The following LRRC61 variants were observed in gnomAD, a reference collection of about 807,000 sequenced individuals.
LRRC61 encodes the protein leucine-rich repeat-containing protein 61.
A neutral mutation model predicts 15.1 loss-of-function variants in LRRC61; 9 were observed. The observed-to-expected ratio is 0.60, with a 90% CI of 0.36 to 1.04. The LOEUF is 1.04. LRRC61 is among the 50% of genes least tolerant of loss of function. The pLI is 0.01. For missense variants in LRRC61, 344 were observed against 335.6 expected (o/e 1.03, Z -0.20); for synonymous variants, 173 against 158.6 (o/e 1.09, Z -0.68).
chr7:150,328,148 C>T (rs2129618192), intron 2 of LRRC61, among the ~76,000 whole-genome samples: 1 of 152,210 alleles, frequency 6.6e-6, no homozygotes, highest in East Asian at 1.9e-4. Flanking sequence ...TGTAGGTTTT[C>T]TTTTGGGGTA....
chr7:150,319,376 T>C (rs1415387413), upstream of LRRC61, among the ~76,000 whole-genome samples: 1 of 152,030 alleles, frequency 6.6e-6, no homozygotes, highest in Non-Finnish European at 1.5e-5. Flanking sequence ...CCTAGCTAAT[T>C]TTGTATTTTT....
chr7:150,337,090 C>T lies in LRRC61; in HGVS notation c.229C>T (p.Leu77=), dbSNP rs1284543165. The change falls in exon 3 of 3, where the codon CTA becomes TTA. Residue 77 remains leucine (L), a synonymous_variant. Transcript: ENST00000359623. The part of the protein sequence containing the change: ...HLGPLASLRQ[L]AVLNVSNNRL... ...GGGCCCGCTGGCCTCCTTGCGCCAGCTAGCTGTGCTCAATGTCTCCAACAA... is the reference window on the plus strand; with the variant it reads ...GGGCCCGCTGGCCTCCTTGCGCCAGTTAGCTGTGCTCAATGTCTCCAACAA... The T allele has an allele frequency of 6.2e-7, 1 of 1,612,808 alleles. No individual in the cohort carries two copies. The highest frequency in any genetic ancestry group is 1.7e-5 in the Admixed American group (1 of 60,028).
upstream of LRRC61, chr7:150,323,319 T>G (rs933127989): frequency 1.1e-5 from 3 of 267,478 alleles, no homozygotes; most frequent in African/African-American, 2.4e-5. Flanking sequence ...GAGCGCCCAC[T>G]ACGGCCTTTG....
At chr7:150,324,990 G>A (rs552291353) in intron 1 of LRRC61, among the ~76,000 whole-genome samples, 1 of 152,148 alleles carries the variant, frequency 6.6e-6, no homozygotes, top group Non-Finnish European at 1.5e-5. Flanking sequence ...TCACCTTTGA[G>A]ATCTGCTCAT....
chr7:150,331,272 C>T lies in LRRC61; in HGVS notation c.-145+5262C>T, dbSNP rs538978233. ...TCATCTGCTCTAGTGGTGACCTGGC[C>T]AAGGGGATACAGACCCTGCAGTCCG... On this transcript the variant is annotated intron_variant, in intron 2 of 2. Transcript: ENST00000359623. The T allele has an allele frequency of 2.2e-5, 16 of 716,424 alleles. No homozygotes were observed. The South Asian group carries it at 3.0e-4, about 13-fold the overall frequency. 44.4% of individuals were successfully genotyped at this position (716,424 alleles called of 1,614,324 possible). A position where few individuals can be genotyped will look rare whatever the true frequency, so the allele number is the denominator to read the frequency against.
chr7:150,326,444 A>G (rs574577780), intron 2 of LRRC61, among the ~76,000 whole-genome samples: 1 of 152,200 alleles, frequency 6.6e-6, no homozygotes, highest in South Asian at 2.1e-4. Flanking sequence ...ATACTTTGGG[A>G]GGCTGAGGCA....
chr7:150,314,122 G>A, the LRRC61 span, among the ~76,000 whole-genome samples: 2 of 152,180 alleles, frequency 1.3e-5, no homozygotes, highest in Non-Finnish European at 2.9e-5. Context: ...ATGGCAGCTT[G>A]CTCATGTGGC....
Position 150,330,772 on chromosome 7 carries a change from T to C in LRRC61, c.-145+4762T>C. 6.2e-7 allele frequency: 1 copy of C among 1,613,830 alleles called. No homozygotes were observed. ...TACTCTTTGAACTCCCCAAGTCCCC[T>C]GCAAAGCCCCAGGGGTCTGTGCGTG... On this transcript the variant is annotated intron_variant, in intron 2 of 2. Transcript: ENST00000359623. The surrounding 1 kb of genome is among the most constrained non-coding windows in gnomAD (Gnocchi z 4.6).
At chr7:150,310,883 A>G in the LRRC61 span, among the ~76,000 whole-genome samples, 1 of 152,080 alleles carries the variant, frequency 6.6e-6, no homozygotes, top group Admixed American at 6.5e-5. Context: ...CTCTACTCAA[A>G]AGGGTACCGA....
chr7:150,337,256 CT>C lies in LRRC61; in HGVS notation c.398del (p.Leu133TrpfsTer25). 1 of 1,603,788 alleles carries C rather than the reference CT, an allele frequency of 6.2e-7. No individual in the cohort carries two copies. Reference protein sequence around the residue: ...PCLEYLRLRDPLARLSNPLCA... With the variant: ...PCLEYLRLRDXLARLSNPLCA... ...CTGGAGTACCTGCGGCTCCGAGACC[CT>C]TTGGCCCGGCTCAGCAACCCGCTCT... is the stretch of plus-strand genomic sequence containing the variant. On this transcript the variant is annotated frameshift_variant, in exon 3 of 3. Coordinates refer to ENST00000359623, the MANE Select transcript of LRRC61 (RefSeq NM_001142928.2). LOFTEE classifies it high-confidence loss of function.
At position 150,329,991 on chromosome 7, in the gene LRRC61, T is replaced by C. The variant is rs557293260; in HGVS notation, c.-145+3981T>C. On this transcript the variant is annotated intron_variant, in intron 2 of 2. Transcript: ENST00000359623. ...CTTCCTGCTGGCAGGCTTCCTGGTATCGAGCAGCTGCCCCAGCCTGGAGCA... is the reference window on the plus strand; with the variant it reads ...CTTCCTGCTGGCAGGCTTCCTGGTACCGAGCAGCTGCCCCAGCCTGGAGCA... 5.0e-4 allele frequency: 87 copies of C among 175,126 alleles called. 2 individuals carry two copies. Among genetic ancestry groups the C allele is most frequent in the African/African-American group, 1.9e-3 (78 of 42,084 alleles). The allele number at this position is 175,126 out of a possible 1,614,324, so 10.8% of individuals were successfully genotyped here. A position where few individuals can be genotyped will look rare whatever the true frequency, so the allele number is the denominator to read the frequency against.
chr7:150,331,170 C>T, intron 2 of LRRC61: 1 of 1,515,800 alleles, frequency 6.6e-7, no homozygotes, highest in South Asian at 1.3e-5. Context: ...ACTCTTCTCT[C>T]AAGGTGGAAG....
chr7:150,334,195 G>T (rs1170566111), intron 2 of LRRC61: 2 of 847,756 alleles, frequency 2.4e-6, no homozygotes, highest in African/African-American at 3.7e-5. Context: ...AGTTCCTCAG[G>T]GCATTCACTT....
upstream of LRRC61, among the ~76,000 whole-genome samples, chr7:150,322,442 A>G (rs1373509314): frequency 6.6e-6 from 1 of 152,220 alleles, no homozygotes; most frequent in Non-Finnish European, 1.5e-5. Context: ...CTCACTGCTC[A>G]TTATGCACTA....
In LRRC61 at chr7:150,330,961, C is replaced by A; in HGVS notation, c.-145+4951C>A. ...TCTGAGAGAAGCGGGGGCTCGCTGT[C>A]CACCAAGAGCCACTGGGCCAGCATC... On this transcript the variant is annotated intron_variant, in intron 2 of 2. Transcript: ENST00000359623. The surrounding 1 kb of genome is among the most constrained non-coding windows in gnomAD (Gnocchi z 4.6). 6.2e-7 allele frequency: 1 copy of A among 1,611,908 alleles called. No individual in the cohort carries two copies.
intron 2 of LRRC61, chr7:150,331,389 G>C (rs1388156195): frequency 8.0e-6 from 3 of 375,924 alleles, no homozygotes; most frequent in Non-Finnish European, 9.9e-6. Flanking sequence ...TCAAAGCAGA[G>C]AGCTGGGTGT....
chr7:150,317,933 G>T, the LRRC61 span, among the ~76,000 whole-genome samples: 1 of 152,000 alleles, frequency 6.6e-6, no homozygotes, highest in African/African-American at 2.4e-5. Flanking sequence ...AAACCAAAAG[G>T]AACTATGGGA....
chr7:150,331,035 G>A, intron 2 of LRRC61: 1 of 1,611,964 alleles, frequency 6.2e-7, no homozygotes, highest in Middle Eastern at 1.6e-4. Context: ...AGCCCAGGAT[G>A]ACCCCCTGGC....
In LRRC61 at chr7:150,330,798, G is replaced by T; in HGVS notation, c.-145+4788G>T. 1 of 1,613,026 alleles carries T rather than the reference G, an allele frequency of 6.2e-7. No individual in the cohort carries two copies. The highest frequency in any genetic ancestry group is 1.1e-5 in the South Asian group (1 of 91,066). ...GCAAAGCCCCAGGGGTCTGTGCGTGGACCCCACCAGGGTAGCCAAGAGCTC... is the reference window on the plus strand; with the variant it reads ...GCAAAGCCCCAGGGGTCTGTGCGTGTACCCCACCAGGGTAGCCAAGAGCTC... On this transcript the variant is annotated intron_variant, in intron 2 of 2. Transcript: ENST00000359623. This position sits in a 1 kb window ranked among gnomAD's most constrained non-coding sequence, Gnocchi z 4.6.
Sources: gnomAD v4.1 joint callset for allele counts (sites outside exome capture counted in the v4.1 genomes callset) on GRCh38, gnomAD v4.1.1 for gene constraint, Gnocchi (gnomAD v3.1) non-coding constraint, MANE v1.5 for transcripts, NCBI Gene and HGNC (gene_info 2026-07-23, HGNC 2026-07-21) for gene names.